Variants in SEMA3C observed in about 807,000 individuals in gnomAD.
SEMA3C encodes semaphorin-3C.
Under a neutral mutation model 89.4 loss-of-function variants are expected in SEMA3C, and 47 were observed. That is an observed-to-expected ratio of 0.53 (90% CI 0.42 to 0.67). The LOEUF is 0.67. SEMA3C is among the 30% of genes least tolerant of loss of function. The probability of loss-of-function intolerance (pLI) is 0.00; values close to 1 mark genes in which losing one functional copy is unlikely to be tolerated. For synonymous variants in SEMA3C, 310 were observed against 320.2 expected (o/e 0.97, Z 0.34); for missense variants, 839 against 929.1 (o/e 0.90, Z 1.26).
intron 12 of SEMA3C, among the ~76,000 whole-genome samples, chr7:80,786,111 T>G (rs1788796177): frequency 1.3e-5 from 2 of 152,238 alleles, no homozygotes; most frequent in Admixed American, 1.3e-4. Flanking sequence ...GAGACTCCTG[T>G]GGCTTTGTAA....
intron 2 of SEMA3C, among the ~76,000 whole-genome samples, chr7:80,847,653 C>T (rs1790421626): frequency 6.6e-6 from 1 of 152,008 alleles, no homozygotes; most frequent in Admixed American, 6.6e-5. Context: ...GCATTTAGGA[C>T]AGACAATGAA....
chr7:80,777,590 C>A (rs1043764592), intron 12 of SEMA3C, among the ~76,000 whole-genome samples: 25 of 152,186 alleles, frequency 1.6e-4, no homozygotes, highest in Admixed American at 1.0e-3. Flanking sequence ...CTGCACCCAA[C>A]CTTGTATTTG....
chr7:80,761,969 A>T (rs919395649), intron 13 of SEMA3C, among the ~76,000 whole-genome samples: 2 of 151,766 alleles, frequency 1.3e-5, no homozygotes, highest in Non-Finnish European at 2.9e-5. Flanking sequence ...GGCACCTGTA[A>T]TCCCAGCTAC....
In SEMA3C at chr7:80,794,502, C is replaced by T. The variant is rs185536615; in HGVS notation, c.1131+3590G>A. On this transcript the variant is annotated intron_variant, in intron 11 of 17. Coordinates refer to ENST00000265361, the MANE Select transcript of SEMA3C (RefSeq NM_006379.5). The stretch of plus-strand genomic sequence containing the variant: ...CTCTAATGTAAGCACAACCAGAAGA[C>T]GTATGTAATCAACAAAACTGCCAAC... 2.0e-5 allele frequency among the ~76,000 whole-genome samples: 3 copies of T among 152,102 alleles called. No homozygotes were observed. In the East Asian group the frequency reaches 5.8e-4, roughly 29 times the overall value.
chr7:80,846,341 T>A (rs775975523), intron 2 of SEMA3C, among the ~76,000 whole-genome samples: 7 of 152,168 alleles, frequency 4.6e-5, no homozygotes, highest in Non-Finnish European at 8.8e-5. Flanking sequence ...TTTGCTTTGC[T>A]AACTTTTCGT....
intron 5 of SEMA3C, among the ~76,000 whole-genome samples, chr7:80,814,827 AC>A (rs1789559943): frequency 6.6e-6 from 1 of 152,118 alleles, no homozygotes; most frequent in Non-Finnish European, 1.5e-5. Context: ...TATACTTCAT[AC>A]CATTTTATAC....
chr7:80,887,513 C>T (rs983411051), intron 2 of SEMA3C, among the ~76,000 whole-genome samples: 1 of 152,150 alleles, frequency 6.6e-6, no homozygotes, highest in African/African-American at 2.4e-5. Context: ...ATGGATGAAT[C>T]GAATCTCCAA....
chr7:80,854,168 T>G (rs748748013), intron 2 of SEMA3C, among the ~76,000 whole-genome samples: 2 of 152,174 alleles, frequency 1.3e-5, no homozygotes, highest in Non-Finnish European at 2.9e-5. Flanking sequence ...GATAAAAATA[T>G]TCTCATAAAT....
At chr7:80,896,461 T>G (rs1482343080) in intron 2 of SEMA3C, among the ~76,000 whole-genome samples, 1 of 152,198 alleles carries the variant, frequency 6.6e-6, no homozygotes, top group Non-Finnish European at 1.5e-5. Flanking sequence ...TATCTCAGAT[T>G]ACCTTTAAAG....
intron 2 of SEMA3C, among the ~76,000 whole-genome samples, chr7:80,884,413 A>G (rs912956693): frequency 1.3e-5 from 2 of 152,210 alleles, no homozygotes; most frequent in Admixed American, 6.5e-5. Context: ...CCTCATAACT[A>G]ACTTATCAAA....
In SEMA3C at chr7:80,758,453, G is replaced by A; in HGVS notation, c.1521C>T (p.Ser507=). Residue 507 remains serine (S), a synonymous_variant, in exon 15 of 18, where the codon TCC becomes TCT. Coordinates refer to ENST00000265361, the MANE Select transcript of SEMA3C (RefSeq NM_006379.5). The stretch of plus-strand genomic sequence containing the variant: ...TGTGGCAGCGGTGCAGAGATACCTG[G>A]GAAACCCCTTCATTGGAACTCACAT... The part of the protein sequence containing the change: ...QLYVSSNEGV[S]QVSLHRCHIY... 6.2e-7 allele frequency: 1 copy of A among 1,613,986 alleles called. No individual in the cohort carries two copies. The highest frequency in any genetic ancestry group is 8.5e-7 in the Non-Finnish European group (1 of 1,179,946).
intron 10 of SEMA3C, among the ~76,000 whole-genome samples, chr7:80,799,853 T>TAAA (rs543529376): frequency 1.2e-5 from 1 of 86,160 alleles, no homozygotes; most frequent in African/African-American, 4.7e-5. Context: ...GACCCAATCT[T>TAAA]AAAAAAAAAA....
At chr7:80,859,923 T>G (rs572786307) in intron 2 of SEMA3C, among the ~76,000 whole-genome samples, 1 of 152,070 alleles carries the variant, frequency 6.6e-6, no homozygotes, top group East Asian at 2.0e-4. Flanking sequence ...CACTATTTTT[T>G]TTTTTAAAAT....
chr7:80,846,113 C>A (rs1356616853), intron 2 of SEMA3C, among the ~76,000 whole-genome samples: 1 of 152,070 alleles, frequency 6.6e-6, no homozygotes, highest in Non-Finnish European at 1.5e-5. Context: ...AGTCTATGTG[C>A]CTAGGAGAAA....
chr7:80,841,516 C>T (rs1790267873), intron 2 of SEMA3C, among the ~76,000 whole-genome samples: 1 of 152,170 alleles, frequency 6.6e-6, no homozygotes, highest in East Asian at 1.9e-4. Context: ...AGCTGCACTG[C>T]ACCTAATAAA....
At chr7:80,828,437 A>G (rs963037700) in intron 3 of SEMA3C, 148 bp downstream of exon 3, 19 of 628,438 alleles carry the variant, frequency 3.0e-5, no homozygotes, top group African/African-American at 2.6e-4. Context: ...TTTTCAGTCC[A>G]TGAAATAAGT....
At chr7:80,841,809 A>G (rs897189786) in intron 2 of SEMA3C, among the ~76,000 whole-genome samples, 12 of 152,220 alleles carry the variant, frequency 7.9e-5, no homozygotes, top group Non-Finnish European at 1.6e-4. Flanking sequence ...CCCAGACTTT[A>G]TGAACAAAGA....
At chr7:80,808,900 G>C (rs1473467894) in intron 6 of SEMA3C, among the ~76,000 whole-genome samples, 1 of 152,026 alleles carries the variant, frequency 6.6e-6, no homozygotes, top group Non-Finnish European at 1.5e-5. Context: ...TCAGCCTCCT[G>C]AGTAGCTGGG....
chr7:80,803,746 T>G (rs193148126), intron 8 of SEMA3C, among the ~76,000 whole-genome samples: 1 of 152,234 alleles, frequency 6.6e-6, no homozygotes, highest in East Asian at 1.9e-4. Flanking sequence ...TTAGGTAATA[T>G]GCAATTTAGC....
Sources: gnomAD v4.1 joint callset for allele counts (sites outside exome capture counted in the v4.1 genomes callset) on GRCh38, gnomAD v4.1.1 for gene constraint, MANE v1.5 for transcripts, NCBI Gene and HGNC (gene_info 2026-07-23, HGNC 2026-07-21) for gene names.